ZNF420: variants seen among roughly 807,000 people sequenced by gnomAD.
ZNF420 encodes zinc finger protein 420, also known as ATM and p53-associated KZNF protein.
A neutral mutation model predicts 44.7 loss-of-function variants in ZNF420; 31 were observed. That is an observed-to-expected ratio of 0.69 (90% confidence interval 0.52 to 0.94). ZNF420 has a LOEUF of 0.94. ZNF420 is among the 40% of genes least tolerant of loss of function. The pLI is 0.00. For missense variants in ZNF420, 681 were observed against 827.9 expected, an observed-to-expected ratio of 0.82 and a Z score of 2.18; for synonymous variants, 245 against 267.4, an observed-to-expected ratio of 0.92 and a Z score of 0.82.
intron 1 of ZNF420, among the ~76,000 whole-genome samples, chr19:37,028,336 C>T (rs904321474): frequency 1.3e-5 from 2 of 152,154 alleles, no homozygotes; most frequent in Admixed American, 1.3e-4. Flanking sequence ...TTTCTCCTGT[C>T]ACATAAAATG....
chr19:37,085,930 TG>T (rs1359032121), intron 2 of ZNF420, among the ~76,000 whole-genome samples: 1 of 119,976 alleles, frequency 8.3e-6, no homozygotes, highest in East Asian at 2.1e-4. Flanking sequence ...AATGCCTGGC[TG>T]ATGTTTTATT....
At chr19:37,057,739 ATCCTGAGCGGCTT>A (rs1245728391) in intron 1 of ZNF420, among the ~76,000 whole-genome samples, 1 of 152,064 alleles carries the variant, frequency 6.6e-6, no homozygotes, top group African/African-American at 2.4e-5. Context: ...TCTCATCCCC[ATCCTGAGCGGCTT>A]TTCTAGAATC....
chr19:37,041,363 T>A (rs1385359838), intron 1 of ZNF420, among the ~76,000 whole-genome samples: 2 of 152,162 alleles, frequency 1.3e-5, no homozygotes, highest in African/African-American at 4.8e-5. Context: ...TATACCCAAT[T>A]TTGCTTTAAT....
intron 1 of ZNF420, among the ~76,000 whole-genome samples, chr19:37,032,775 C>T (rs1250769715): frequency 1.3e-5 from 2 of 152,062 alleles, no homozygotes; most frequent in African/African-American, 4.8e-5. Flanking sequence ...ACTGCTTGCC[C>T]AGATCAAGAG....
At chr19:37,053,670 C>T (rs1967685114) in intron 1 of ZNF420, among the ~76,000 whole-genome samples, 1 of 152,180 alleles carries the variant, frequency 6.6e-6, no homozygotes, top group Non-Finnish European at 1.5e-5. Flanking sequence ...GGCTGCCGAA[C>T]AGCGGATATT....
intron 4 of ZNF420, among the ~76,000 whole-genome samples, chr19:37,114,140 C>T (rs1428402911): frequency 1.3e-5 from 2 of 152,124 alleles, no homozygotes; most frequent in Non-Finnish European, 2.9e-5. Context: ...TGCCATGCCT[C>T]GGTATCTCCT....
chr19:37,091,012 G>A lies in ZNF420; in HGVS notation c.27G>A (p.Arg9=). 6.2e-7 allele frequency: 1 copy of A among 1,613,264 alleles called. No homozygotes were observed. The change falls in exon 4 of 5, where the codon AGG becomes AGA. Residue 9 remains arginine, a synonymous_variant. Transcript: ENST00000337995. MARKLVMF[R]DVAIDFSQEE... is the part of the protein sequence containing the mutation. ...TGTTTCAGAAATTAGTGATGTTCAG[G>A]GATGTTGCCATTGACTTCTCTCAGG...
At chr19:37,065,569 A>T (rs954607112) in intron 1 of ZNF420, among the ~76,000 whole-genome samples, 1 of 152,230 alleles carries the variant, frequency 6.6e-6, no homozygotes, top group African/African-American at 2.4e-5. Context: ...GCAAATGGAG[A>T]CATTGGACTT....
intron 1 of ZNF420, among the ~76,000 whole-genome samples, chr19:37,020,178 C>A (rs1350529771): frequency 6.8e-6 from 1 of 147,564 alleles, no homozygotes. Flanking sequence ...GATGGCGCCA[C>A]TGCACTCCAG....
chr19:37,128,518 A>C lies in ZNF420; in HGVS notation c.1527A>C (p.Arg509Ser). 1 of 1,613,946 alleles carries C rather than the reference A, an allele frequency of 6.2e-7. No homozygotes were observed. Among genetic ancestry groups the C allele is most frequent in the Non-Finnish European group, 8.5e-7 (1 of 1,179,910 alleles). Reference sequence around the variant, plus strand: ...AACCTTATGAATGTAAAGAATGTAGAATGGCCTTTACTCAGAGTTCACATC... The same window carrying C: ...AACCTTATGAATGTAAAGAATGTAGCATGGCCTTTACTCAGAGTTCACATC... ...GEKPYECKEC[R>S]MAFTQSSHLS... Residue 509 changes from arginine (R) to serine (S), a missense_variant, in exon 5 of 5, where the codon AGA becomes AGC. By Grantham distance (110) the Arg-to-Ser change is moderately radical. Transcript: ENST00000337995.
At chr19:37,031,016 C>T (rs1240900650) in intron 1 of ZNF420, among the ~76,000 whole-genome samples, 4 of 152,010 alleles carry the variant, frequency 2.6e-5, no homozygotes, top group East Asian at 1.9e-4. Context: ...CCACCACGCC[C>T]GGCTAATTTT....
chr19:37,125,989 C>T (rs1387767595), intron 4 of ZNF420, among the ~76,000 whole-genome samples: 3 of 152,158 alleles, frequency 2.0e-5, no homozygotes, highest in African/African-American at 7.2e-5. Context: ...TTTAGTTTCT[C>T]CCCCTCTTAG....
chr19:37,054,083 C>T (rs544811003), intron 1 of ZNF420, among the ~76,000 whole-genome samples: 30 of 152,286 alleles, frequency 2.0e-4, no homozygotes, highest in African/African-American at 4.3e-4. Context: ...CCAGCCTCGC[C>T]GCCCCCTTGC....
chr19:37,125,156 C>T (rs1233014532), intron 4 of ZNF420, among the ~76,000 whole-genome samples: 1 of 152,110 alleles, frequency 6.6e-6, no homozygotes, highest in Non-Finnish European at 1.5e-5. Flanking sequence ...TGCCTTTTTT[C>T]TCTCCAACAT....
At chr19:37,061,353 T>C (rs2146441216) in intron 1 of ZNF420, among the ~76,000 whole-genome samples, 1 of 152,354 alleles carries the variant, frequency 6.6e-6, no homozygotes, top group South Asian at 2.1e-4. Context: ...AAGATATCCA[T>C]CAGACTGTTA....
intron 1 of ZNF420, among the ~76,000 whole-genome samples, chr19:37,050,305 G>A (rs1967616075): frequency 6.6e-6 from 1 of 152,106 alleles, no homozygotes; most frequent in African/African-American, 2.4e-5. Context: ...ATTACCTTGG[G>A]CAGTATGGCC....
intron 1 of ZNF420, among the ~76,000 whole-genome samples, chr19:37,038,129 C>CAACAAAAA (rs1967390506): frequency 6.9e-6 from 1 of 145,066 alleles, no homozygotes; most frequent in Non-Finnish European, 1.5e-5. Flanking sequence ...GACTCCGTCT[C>CAACAAAAA]AAAAAAAAAA....
intron 1 of ZNF420, 108 bp downstream of exon 1, chr19:37,078,678 A>T (rs1968250133): frequency 6.6e-6 from 1 of 152,256 alleles, no homozygotes; most frequent in African/African-American, 2.4e-5. Context: ...CCTGCCTGGT[A>T]TTGGCGACTG....
At chr19:37,110,984 C>T (rs1970360436) in intron 4 of ZNF420, among the ~76,000 whole-genome samples, 1 of 152,176 alleles carries the variant, frequency 6.6e-6, no homozygotes, top group South Asian at 2.1e-4. Flanking sequence ...TAACTTGTTC[C>T]TTGGTTAAAG....
Sources: allele counts gnomAD v4.1 joint callset (sites outside exome capture counted in the v4.1 genomes callset), GRCh38; gene constraint gnomAD v4.1.1; transcripts MANE v1.5; gene names NCBI Gene and HGNC (gene_info 2026-07-23, HGNC 2026-07-21).